The following MCF2L2 variants were observed in gnomAD, a reference collection of about 807,000 sequenced individuals.
MCF2L2 encodes the protein MCF.2 cell line derived transforming sequence-like 2.
MCF2L2 carries 102 observed loss-of-function variants against 150.2 expected under a neutral mutation model. The ratio of observed to expected loss-of-function variants is 0.68; its 90% CI spans 0.58 to 0.80. The LOEUF (loss-of-function observed/expected upper bound fraction) is 0.80, where lower values mean the gene tolerates loss of function less well. MCF2L2 is among the 30% of genes least tolerant of loss of function. MCF2L2 has a pLI of 0.00. For synonymous variants in MCF2L2, 465 were observed against 491.3 expected (o/e 0.95, Z 0.71); for missense variants, 1,256 against 1,372.8 (o/e 0.91, Z 1.34).
At chr3:183,392,116 T>G (rs1305739904) in intron 1 of MCF2L2, among the ~76,000 whole-genome samples, 1 of 152,192 alleles carries the variant, frequency 6.6e-6, no homozygotes, top group Non-Finnish European at 1.5e-5. Context: ...TGTAATTTAT[T>G]GTTCTTACAT....
intron 22 of MCF2L2, among the ~76,000 whole-genome samples, chr3:183,215,083 G>A (rs1722866509): frequency 6.6e-6 from 1 of 152,122 alleles, no homozygotes; most frequent in South Asian, 2.1e-4. Flanking sequence ...CATGAGCCAT[G>A]GAGCGTGGGT....
At chr3:183,302,110 C>T (rs1040602015) in intron 10 of MCF2L2, among the ~76,000 whole-genome samples, 7 of 152,188 alleles carry the variant, frequency 4.6e-5, no homozygotes, top group Admixed American at 4.6e-4. Flanking sequence ...ACATTTCACA[C>T]ATGTTGTCAC....
chr3:183,363,173 C>T (rs548740182), intron 3 of MCF2L2, among the ~76,000 whole-genome samples: 1 of 152,284 alleles, frequency 6.6e-6, no homozygotes, highest in South Asian at 2.1e-4. Context: ...GCAACAGGAA[C>T]TCTCGTTCAC....
At chr3:183,271,031 C>A in intron 15 of MCF2L2, 2 of 1,179,142 alleles carry the variant, frequency 1.7e-6, no homozygotes, top group South Asian at 1.9e-5. Context: ...AAAATGAGGA[C>A]GAAAGACAAA....
chr3:183,221,836 G>T (rs1723160298), intron 20 of MCF2L2, among the ~76,000 whole-genome samples: 1 of 152,116 alleles, frequency 6.6e-6, no homozygotes, highest in Admixed American at 6.6e-5. Context: ...GAGCTTCCTG[G>T]GCTGTGCCAA....
intron 3 of MCF2L2, among the ~76,000 whole-genome samples, chr3:183,352,513 A>G (rs1306090304): frequency 6.6e-6 from 1 of 152,092 alleles, no homozygotes; most frequent in Non-Finnish European, 1.5e-5. Context: ...ATAGAGAGAG[A>G]CTTTGTCTCA....
At chr3:183,319,543 A>G (rs1729730892) in intron 6 of MCF2L2, among the ~76,000 whole-genome samples, 1 of 145,660 alleles carries the variant, frequency 6.9e-6, no homozygotes, top group South Asian at 2.1e-4. Context: ...AGGAATCACT[A>G]TCTATGGCAG....
chr3:183,327,601 C>T (rs1458275204), intron 5 of MCF2L2, among the ~76,000 whole-genome samples: 1 of 152,122 alleles, frequency 6.6e-6, no homozygotes, highest in Non-Finnish European at 1.5e-5. Context: ...CCTCTGTCTC[C>T]CTCTACCTTC....
chr3:183,289,288 T>G, intron 13 of MCF2L2, 68 bp from the exon 14 acceptor site: 1 of 1,070,404 alleles, frequency 9.3e-7, no homozygotes, highest in Non-Finnish European at 1.4e-6. Flanking sequence ...TTTGTCTGAT[T>G]TGGACAAATA....
chr3:183,399,056 T>C lies in MCF2L2; in HGVS notation c.77-9277A>G, dbSNP rs79856918. Among the ~76,000 whole-genome samples the C allele has an allele frequency of 4.4e-3, 669 of 152,298 alleles. 7 individuals carry two copies. Among genetic ancestry groups the C allele is most frequent in the African/African-American group, 0.016 (645 of 41,558 alleles). Reference sequence around the variant, plus strand: ...AATAAAATTAGGGCAATCATATATATACACTTCAATTCAAGCCTTGTAAGG... The same window carrying C: ...AATAAAATTAGGGCAATCATATATACACACTTCAATTCAAGCCTTGTAAGG... On this transcript the variant is annotated intron_variant, in intron 1 of 29. Coordinates refer to ENST00000328913, the MANE Select transcript of MCF2L2 (RefSeq NM_015078.4).
At chr3:183,387,789 G>A (rs949836692) in intron 2 of MCF2L2, among the ~76,000 whole-genome samples, 14 of 152,046 alleles carry the variant, frequency 9.2e-5, no homozygotes, top group East Asian at 1.9e-4. Context: ...AAAATTAGCC[G>A]GGCATGATGG....
chr3:183,284,742 C>A (rs925835187), intron 14 of MCF2L2, among the ~76,000 whole-genome samples: 1 of 151,852 alleles, frequency 6.6e-6, no homozygotes, highest in African/African-American at 2.4e-5. Flanking sequence ...CCCGACCCTA[C>A]ACCTCCCTAA....
At chr3:183,341,738 G>A (rs920392257) in intron 3 of MCF2L2, 108 bp from the exon 4 acceptor site, 22 of 739,296 alleles carry the variant, frequency 3.0e-5, no homozygotes, top group Middle Eastern at 4.7e-4. Flanking sequence ...CAGGCTCACC[G>A]TGTAAACACC....
At chr3:183,372,447 C>T (rs1218094764) in intron 3 of MCF2L2, 2 of 152,088 alleles carry the variant, frequency 1.3e-5, no homozygotes, top group Non-Finnish European at 1.5e-5. Context: ...TAAATAGGTC[C>T]CTCAACAGAT....
At chr3:183,264,236 T>C (rs1182672634) in intron 15 of MCF2L2, among the ~76,000 whole-genome samples, 3 of 152,226 alleles carry the variant, frequency 2.0e-5, no homozygotes, top group African/African-American at 7.2e-5. Context: ...TACACAGTTC[T>C]TGTCTAAAAC....
At chr3:183,225,975 G>A (rs1390501206) in intron 18 of MCF2L2, 1 of 152,124 alleles carries the variant, frequency 6.6e-6, no homozygotes, top group East Asian at 1.9e-4. Context: ...GATAAATCGG[G>A]TTTCCTGACT....
chr3:183,400,603 C>G (rs995875742), intron 1 of MCF2L2: 3 of 376,828 alleles, frequency 8.0e-6, no homozygotes, highest in Non-Finnish European at 1.6e-5. Flanking sequence ...GAAGTTCACT[C>G]GAGGTCATTT....
At chr3:183,326,563 T>A (rs1730048393) in intron 5 of MCF2L2, among the ~76,000 whole-genome samples, 1 of 147,952 alleles carries the variant, frequency 6.8e-6, no homozygotes, top group African/African-American at 2.5e-5. Context: ...TAATTATAGA[T>A]TCACAAGAAG....
chr3:183,413,732 G>T (rs535842463), intron 1 of MCF2L2, among the ~76,000 whole-genome samples: 2 of 152,314 alleles, frequency 1.3e-5, no homozygotes, highest in East Asian at 1.9e-4. Flanking sequence ...CAGCAGGACT[G>T]ACAATAAATC....
Sources: gnomAD v4.1 joint callset for allele counts (sites outside exome capture counted in the v4.1 genomes callset) on GRCh38, gnomAD v4.1.1 for gene constraint, MANE v1.5 for transcripts, NCBI Gene and HGNC (gene_info 2026-07-23, HGNC 2026-07-21) for gene names.